SGCZ: variants seen among roughly 807,000 people sequenced by gnomAD.
The protein encoded by SGCZ is sarcoglycan zeta.
In SGCZ, 40 loss-of-function variants were observed where a neutral mutation model predicts 41.3. That is an observed-to-expected ratio of 0.97 (90% CI 0.75 to 1.26). The LOEUF (loss-of-function observed/expected upper bound fraction) is 1.26, where lower values mean the gene tolerates loss of function less well. Among genes scored for constraint, SGCZ ranks in the 50% most tolerant of loss-of-function variants. SGCZ has a pLI of 0.00. For missense variants in SGCZ, 552 were observed against 369.8 expected, an observed-to-expected ratio of 1.49 and a Z score of -4.04; for synonymous variants, 206 against 137.5, an observed-to-expected ratio of 1.50 and a Z score of -3.49.
intron 2 of SGCZ, among the ~76,000 whole-genome samples, chr8:14,350,474 T>C (rs1330749721): frequency 2.0e-5 from 3 of 152,122 alleles, no homozygotes; most frequent in Non-Finnish European, 4.4e-5. Context: ...ATCAGGAGTG[T>C]TAGGGGCTGG....
intron 1 of SGCZ, among the ~76,000 whole-genome samples, chr8:15,232,109 G>C (rs1487441080): frequency 1.3e-5 from 2 of 152,142 alleles, no homozygotes; most frequent in African/African-American, 2.4e-5. Context: ...AATTCATAGA[G>C]AATTTGAACA....
chr8:14,994,987 C>T (rs1194474963), intron 1 of SGCZ, among the ~76,000 whole-genome samples: 2 of 152,186 alleles, frequency 1.3e-5, no homozygotes, highest in Non-Finnish European at 2.9e-5. Flanking sequence ...TGTTGTTCTT[C>T]TGTTGGAGAA....
intron 1 of SGCZ, among the ~76,000 whole-genome samples, chr8:14,941,537 T>G (rs1226447816): frequency 6.6e-6 from 1 of 152,130 alleles, no homozygotes; most frequent in Non-Finnish European, 1.5e-5. Context: ...CTACACAATA[T>G]GTAGGAAATT....
At chr8:14,980,858 T>C (rs1159796905) in intron 1 of SGCZ, among the ~76,000 whole-genome samples, 1 of 151,924 alleles carries the variant, frequency 6.6e-6, no homozygotes, top group Non-Finnish European at 1.5e-5. Flanking sequence ...TGTCTCTCTA[T>C]CTATCTTTTA....
chr8:14,148,632 C>A (rs75496830), intron 5 of SGCZ, among the ~76,000 whole-genome samples: 2 of 152,062 alleles, frequency 1.3e-5, no homozygotes, highest in Non-Finnish European at 2.9e-5. Flanking sequence ...GAATACCAAT[C>A]TTACTCAAAC....
intron 1 of SGCZ, among the ~76,000 whole-genome samples, chr8:14,650,351 T>A (rs1392858272): frequency 6.6e-6 from 1 of 152,046 alleles, no homozygotes; most frequent in Non-Finnish European, 1.5e-5. Context: ...TGATGTTTTT[T>A]AAAAAACTTG....
intron 1 of SGCZ, among the ~76,000 whole-genome samples, chr8:14,882,804 C>G (rs538620098): frequency 2.0e-5 from 3 of 152,040 alleles, no homozygotes; most frequent in East Asian, 3.9e-4. Flanking sequence ...CTTTTCGCAC[C>G]TGCACTAGAC....
Position 14,725,788 on chromosome 8 carries a change from AAAG to A in SGCZ, c.40-170865_40-170863del, listed in dbSNP as rs1298076633. ...ACAGAACACCCCATGTACTAATTAA[AAAG>A]AAGATTGAAATATACAAAAGATTTA... is the stretch of plus-strand genomic sequence containing the variant. On this transcript the variant is annotated intron_variant, in intron 1 of 7. Coordinates refer to ENST00000382080, the MANE Select transcript of SGCZ (RefSeq NM_139167.4). Among the ~76,000 whole-genome samples the A allele has an allele frequency of 6.6e-5, 10 of 152,324 alleles. No individual in the cohort carries two copies. In the East Asian group the frequency reaches 1.5e-3, roughly 24 times the overall value.
intron 1 of SGCZ, among the ~76,000 whole-genome samples, chr8:14,791,063 T>C (rs898661829): frequency 2.0e-5 from 3 of 151,650 alleles, no homozygotes; most frequent in Admixed American, 2.0e-4. Flanking sequence ...AAAAATAGGA[T>C]ACAATGCCAT....
At chr8:15,106,350 C>T (rs1164146582) in intron 1 of SGCZ, among the ~76,000 whole-genome samples, 1 of 152,034 alleles carries the variant, frequency 6.6e-6, no homozygotes, top group Non-Finnish European at 1.5e-5. Context: ...ACATTATATA[C>T]ATATTACATA....
chr8:15,214,535 T>C (rs1473272031), intron 1 of SGCZ, among the ~76,000 whole-genome samples: 1 of 152,060 alleles, frequency 6.6e-6, no homozygotes, highest in African/African-American at 2.4e-5. Context: ...AAAGTTAGAG[T>C]TGAAATCTGA....
intron 2 of SGCZ, among the ~76,000 whole-genome samples, chr8:14,496,800 A>C (rs1397044331): frequency 1.3e-5 from 2 of 152,200 alleles, no homozygotes; most frequent in African/African-American, 2.4e-5. Flanking sequence ...CAAAATAAGA[A>C]AGTTGTTTTC....
chr8:14,341,097 T>C (rs1802689557), intron 2 of SGCZ, among the ~76,000 whole-genome samples: 1 of 152,234 alleles, frequency 6.6e-6, no homozygotes, highest in Non-Finnish European at 1.5e-5. Context: ...TTGTAGCATG[T>C]GTCAAAATTT....
intron 3 of SGCZ, among the ~76,000 whole-genome samples, chr8:14,248,938 T>C (rs1374518250): frequency 1.3e-5 from 2 of 152,208 alleles, no homozygotes; most frequent in East Asian, 1.9e-4. Flanking sequence ...CAAATAATAA[T>C]GGAATTACAA....
At chr8:14,403,553 G>T (rs191235552) in intron 2 of SGCZ, among the ~76,000 whole-genome samples, 1 of 152,068 alleles carries the variant, frequency 6.6e-6, no homozygotes, top group Non-Finnish European at 1.5e-5. Context: ...TAACCATGTG[G>T]TTTTTGTCTT....
chr8:14,937,580 C>T (rs1213761785), intron 1 of SGCZ, among the ~76,000 whole-genome samples: 1 of 152,032 alleles, frequency 6.6e-6, no homozygotes, highest in African/African-American at 2.4e-5. Flanking sequence ...AAAAACCAAA[C>T]TAACTCATGA....
intron 1 of SGCZ, among the ~76,000 whole-genome samples, chr8:14,566,799 C>T (rs1032185485): frequency 2.0e-5 from 3 of 152,200 alleles, no homozygotes; most frequent in Non-Finnish European, 1.5e-5. Context: ...AGCTGGCTCC[C>T]TCAGCTTGCG....
chr8:14,493,370 T>C (rs1193338668), intron 2 of SGCZ, among the ~76,000 whole-genome samples: 5 of 117,764 alleles, frequency 4.2e-5, no homozygotes, highest in African/African-American at 1.7e-4. Flanking sequence ...TTTTTTTTTT[T>C]TTTTTTTTTT....
At chr8:15,040,379 C>T (rs1804047248) in intron 1 of SGCZ, among the ~76,000 whole-genome samples, 1 of 152,204 alleles carries the variant, frequency 6.6e-6, no homozygotes, top group African/African-American at 2.4e-5. Flanking sequence ...CTTTGAAAGG[C>T]CGAGGCGGAC....
Sources: gnomAD v4.1 joint callset for allele counts (sites outside exome capture counted in the v4.1 genomes callset) on GRCh38, gnomAD v4.1.1 for gene constraint, MANE v1.5 for transcripts, NCBI Gene and HGNC (gene_info 2026-07-23, HGNC 2026-07-21) for gene names.